BRINP1: variants seen among roughly 807,000 people sequenced by gnomAD.
BRINP1 encodes BMP/retinoic acid-inducible neural-specific protein 1.
In BRINP1, 17 loss-of-function variants were observed where a neutral mutation model predicts 72.9. That is an observed-to-expected ratio of 0.23 (90% CI 0.16 to 0.35). The LOEUF (loss-of-function observed/expected upper bound fraction) is 0.35, where lower values mean the gene tolerates loss of function less well. BRINP1 is among the 10% of genes least tolerant of loss of function. The probability of loss-of-function intolerance (pLI) is 1.00; values close to 1 mark genes in which losing one functional copy is unlikely to be tolerated. For synonymous variants in BRINP1, 418 were observed against 378.5 expected (o/e 1.10, Z -1.21); for missense variants, 850 against 1,001.6 (o/e 0.85, Z 2.04).
At chr9:119,364,855 G>A (rs941266840) in intron 1 of BRINP1, among the ~76,000 whole-genome samples, 1 of 152,214 alleles carries the variant, frequency 6.6e-6, no homozygotes, top group Non-Finnish European at 1.5e-5. Flanking sequence ...ATTATCATTG[G>A]AATCCCCATA....
At chr9:119,351,898 C>T (rs983285251) in intron 1 of BRINP1, among the ~76,000 whole-genome samples, 3 of 151,742 alleles carry the variant, frequency 2.0e-5, no homozygotes, top group Non-Finnish European at 2.9e-5. Context: ...CTCACTGAAA[C>T]CTCCGCCTCC....
chr9:119,352,210 A>G (rs947583357), intron 1 of BRINP1, among the ~76,000 whole-genome samples: 2 of 152,328 alleles, frequency 1.3e-5, no homozygotes, highest in East Asian at 1.9e-4. Context: ...TGTCTTTACT[A>G]TCAGTGCCTT....
At chr9:119,354,699 A>G (rs1831541551) in intron 1 of BRINP1, among the ~76,000 whole-genome samples, 1 of 152,068 alleles carries the variant, frequency 6.6e-6, no homozygotes, top group African/African-American at 2.4e-5. Flanking sequence ...CGTCTCTAAA[A>G]AAAAAAAATA....
chr9:119,198,227 G>A (rs1453634415), intron 7 of BRINP1, among the ~76,000 whole-genome samples: 1 of 152,158 alleles, frequency 6.6e-6, no homozygotes, highest in African/African-American at 2.4e-5. Flanking sequence ...TACATTTTAG[G>A]ATTTCCTAGT....
At chr9:119,349,149 G>A (rs1261905944) in intron 1 of BRINP1, among the ~76,000 whole-genome samples, 1 of 152,184 alleles carries the variant, frequency 6.6e-6, no homozygotes, top group African/African-American at 2.4e-5. Context: ...AAACCCCCGC[G>A]TAAGAGCTTG....
chr9:119,201,681 A>G (rs1253811858), intron 7 of BRINP1, among the ~76,000 whole-genome samples: 3 of 152,186 alleles, frequency 2.0e-5, no homozygotes, highest in African/African-American at 7.2e-5. Context: ...CTCTGGCTTC[A>G]TGAAACAATG....
intron 7 of BRINP1, among the ~76,000 whole-genome samples, chr9:119,180,190 A>G (rs905627454): frequency 5.9e-5 from 9 of 152,260 alleles, no homozygotes; most frequent in African/African-American, 2.2e-4. Context: ...AGGTTAAAAT[A>G]GAAAGCTATA....
At chr9:119,261,333 A>C (rs1417469381) in intron 2 of BRINP1, among the ~76,000 whole-genome samples, 1 of 152,300 alleles carries the variant, frequency 6.6e-6, no homozygotes, top group Admixed American at 6.5e-5. Context: ...GACATCTTTC[A>C]GTCAAAAATT....
rs544019045 is a variant in BRINP1 at position 119,353,479 on chromosome 9, C to A, written c.-51+15577G>T. On this transcript the variant is annotated intron_variant, in intron 1 of 7. Transcript: ENST00000265922. ...GACACTTACCAAAGATCACATAACG[C>A]CAGTGTTAGAGTGAAACTCCAACTC... 1.2e-4 allele frequency among the ~76,000 whole-genome samples: 18 copies of A among 152,278 alleles called. No homozygotes were observed. The South Asian group carries it at 3.1e-3, about 26-fold the overall frequency.
chr9:119,259,605 AG>A (rs1480446172), intron 2 of BRINP1, among the ~76,000 whole-genome samples: 1 of 152,236 alleles, frequency 6.6e-6, no homozygotes, highest in Non-Finnish European at 1.5e-5. Flanking sequence ...GATTAATAAA[AG>A]TTTGGAATGG....
At chr9:119,340,856 G>A (rs1172413621) in intron 1 of BRINP1, among the ~76,000 whole-genome samples, 2 of 152,132 alleles carry the variant, frequency 1.3e-5, no homozygotes, top group Non-Finnish European at 2.9e-5. Flanking sequence ...GGGCAAGTAG[G>A]TAAGAATCGT....
intron 2 of BRINP1, among the ~76,000 whole-genome samples, chr9:119,290,738 T>C (rs984310559): frequency 1.6e-4 from 24 of 152,178 alleles, no homozygotes; most frequent in Non-Finnish European, 3.1e-4. Flanking sequence ...GAATCCCATA[T>C]GGAAGACTTC....
rs1405577800 is a variant in BRINP1, at chr9:119,368,295, C to T, written c.-51+761G>A. 6.6e-6 allele frequency among the ~76,000 whole-genome samples: 1 copy of T among 152,156 alleles called. No homozygotes were observed. The highest frequency in any genetic ancestry group is 1.5e-5 in the Non-Finnish European group (1 of 68,022). On this transcript the variant is annotated intron_variant, in intron 1 of 7. Coordinates refer to ENST00000265922, the MANE Select transcript of BRINP1 (RefSeq NM_014618.3). The surrounding 1 kb of genome is among the most constrained non-coding windows in gnomAD (Gnocchi z 4.7). The stretch of plus-strand genomic sequence containing the variant: ...ACCCACTATCCAGTGTCTCCAAATT[C>T]CCATCAGAATCTTGGAGTCTGCCCA...
intron 5 of BRINP1, among the ~76,000 whole-genome samples, chr9:119,235,087 G>A (rs560030947): frequency 1.1e-4 from 17 of 152,108 alleles, no homozygotes; most frequent in East Asian, 9.7e-4. Flanking sequence ...GTCTAAATCC[G>A]TGGCATTTCC....
At chr9:119,196,887 G>T (rs1829744114) in intron 7 of BRINP1, among the ~76,000 whole-genome samples, 1 of 152,134 alleles carries the variant, frequency 6.6e-6, no homozygotes, top group Non-Finnish European at 1.5e-5. Flanking sequence ...GGTACGTATT[G>T]CTTTCTTGAA....
chr9:119,224,986 C>CT (rs1174808230), intron 5 of BRINP1, among the ~76,000 whole-genome samples: 1 of 151,934 alleles, frequency 6.6e-6, no homozygotes, highest in Non-Finnish European at 1.5e-5. Context: ...TACACCAAAT[C>CT]TTTTTTTAAT....
intron 1 of BRINP1, among the ~76,000 whole-genome samples, chr9:119,320,911 G>A (rs1162358204): frequency 2.6e-5 from 4 of 152,138 alleles, no homozygotes; most frequent in African/African-American, 4.8e-5. Flanking sequence ...AATACCAGGA[G>A]AGGGAGGGGT....
At chr9:119,316,094 T>C (rs1301846418) in intron 1 of BRINP1, among the ~76,000 whole-genome samples, 1 of 152,168 alleles carries the variant, frequency 6.6e-6, no homozygotes, top group Non-Finnish European at 1.5e-5. Flanking sequence ...TCTATTTTCT[T>C]TCTTGTTTTG....
intron 7 of BRINP1, among the ~76,000 whole-genome samples, chr9:119,197,657 T>C (rs1164023544): frequency 6.6e-6 from 1 of 151,578 alleles, no homozygotes. Flanking sequence ...ATAAATGTGG[T>C]GTGTGAAGCT....
Sources: gnomAD v4.1 joint callset for allele counts (sites outside exome capture counted in the v4.1 genomes callset) on GRCh38, gnomAD v4.1.1 for gene constraint, Gnocchi (gnomAD v3.1) non-coding constraint, MANE v1.5 for transcripts, NCBI Gene and HGNC (gene_info 2026-07-23, HGNC 2026-07-21) for gene names.